Variants in TGFBR3 observed in about 807,000 individuals in gnomAD.
TGFBR3 encodes the protein transforming growth factor beta receptor 3.
TGFBR3 carries 46 observed loss-of-function variants against 87.9 expected under a neutral mutation model. The observed-to-expected ratio is 0.52, with a 90% CI of 0.41 to 0.67. The LOEUF is 0.67. Among genes scored for constraint, TGFBR3 ranks in the 30% least tolerant of loss-of-function variants. TGFBR3 has a pLI of 0.00. For missense variants in TGFBR3, 866 were observed against 1,041.9 expected (o/e 0.83, Z 2.32); for synonymous variants, 381 against 391.6 (o/e 0.97, Z 0.32).
chr1:91,738,989 G>A (rs902700272), intron 4 of TGFBR3, among the ~76,000 whole-genome samples: 2 of 152,174 alleles, frequency 1.3e-5, no homozygotes, highest in Non-Finnish European at 2.9e-5. Flanking sequence ...CAGTTGAGAC[G>A]CAGCAAGTGT....
upstream of TGFBR3, among the ~76,000 whole-genome samples, chr1:91,890,866 G>A (rs907969936): frequency 1.3e-4 from 20 of 151,888 alleles, no homozygotes; most frequent in African/African-American, 4.8e-4. Flanking sequence ...ACAGGTGAAA[G>A]ACACCTTCTA....
chr1:91,837,337 G>A (rs1269594446), intron 2 of TGFBR3, among the ~76,000 whole-genome samples: 10 of 151,956 alleles, frequency 6.6e-5, no homozygotes, highest in Non-Finnish European at 1.3e-4. Flanking sequence ...CCTCCACCTC[G>A]TGGGTTTAAG....
intron 7 of TGFBR3, among the ~76,000 whole-genome samples, chr1:91,724,437 T>C (rs1672480455): frequency 6.6e-6 from 1 of 152,218 alleles, no homozygotes; most frequent in African/African-American, 2.4e-5. Context: ...CCCTAGTCTC[T>C]TTCATGTTGT....
intron 1 of TGFBR3, among the ~76,000 whole-genome samples, chr1:91,905,224 G>A (rs1012546195): frequency 1.3e-5 from 2 of 152,128 alleles, no homozygotes; most frequent in Admixed American, 6.5e-5. Context: ...AATCCACACT[G>A]ACACTCTGAC....
chr1:91,786,250 A>G (rs1557709745), intron 3 of TGFBR3: 1 of 456,238 alleles, frequency 2.2e-6, no homozygotes. Context: ...AAACAAATTC[A>G]TTATGAGAGC....
At position 91,886,035 on chromosome 1, in the gene TGFBR3, G is replaced by T. The variant is rs559793963; in HGVS notation, c.-271C>A. The T allele has an allele frequency of 1.1e-3, 492 of 454,014 alleles. No homozygotes were observed. Among genetic ancestry groups the T allele is most frequent in the Non-Finnish European group, 1.7e-3 (392 of 226,754 alleles). The allele number at this position is 454,014 out of a possible 1,614,324, so 28.1% of individuals were successfully genotyped here. ...GACCCGCTGGGGACTCTCACCTCCT[G>T]CAGGGAGCTCCGGGAATCGCGCAGG... On this transcript the variant is annotated 5_prime_UTR_variant, in exon 1 of 17. Coordinates refer to ENST00000212355, the MANE Select transcript of TGFBR3 (RefSeq NM_003243.5).
intron 2 of TGFBR3, among the ~76,000 whole-genome samples, chr1:91,847,857 T>G (rs969389946): frequency 6.6e-6 from 1 of 151,972 alleles, no homozygotes; most frequent in Non-Finnish European, 1.5e-5. Context: ...AACACGAATC[T>G]CCTACCTTGG....
At chr1:91,902,832 T>C (rs1466363093) in intron 1 of TGFBR3, among the ~76,000 whole-genome samples, 2 of 151,840 alleles carry the variant, frequency 1.3e-5, no homozygotes, top group Non-Finnish European at 2.9e-5. Context: ...CATCAGAGAC[T>C]TAGTTTAGGA....
chr1:91,878,467 C>T (rs1678943522), intron 1 of TGFBR3, among the ~76,000 whole-genome samples: 1 of 152,152 alleles, frequency 6.6e-6, no homozygotes, highest in South Asian at 2.1e-4. Context: ...TTTCACTTGC[C>T]AGATGGAATT....
At chr1:91,882,603 G>A (rs549180515) in intron 1 of TGFBR3, among the ~76,000 whole-genome samples, 1 of 152,130 alleles carries the variant, frequency 6.6e-6, no homozygotes, top group African/African-American at 2.4e-5. Context: ...AAATTAGCCG[G>A]GCATGGTGGC....
At chr1:91,806,474 G>C (rs937510724) in intron 2 of TGFBR3, among the ~76,000 whole-genome samples, 13 of 148,380 alleles carry the variant, frequency 8.8e-5, no homozygotes, top group African/African-American at 3.2e-4. Context: ...AAAAATACTG[G>C]CGGGGGGGGT....
intron 16 of TGFBR3, among the ~76,000 whole-genome samples, chr1:91,688,224 G>T (rs1187163045): frequency 6.6e-6 from 1 of 152,196 alleles, no homozygotes; most frequent in African/African-American, 2.4e-5. Flanking sequence ...TATTCCTGCA[G>T]TGTGGCCAAC....
Position 91,758,682 on chromosome 1 carries a change from G to A in TGFBR3, c.315C>T (p.Asn105=). ...GATGCCACACCAGGGGGTGTGGGGA[G>A]TTGAGCAGGAACACAACAGACTTGT... ...IHHKSVVFLL[N]SPHPLVWHLK... The change falls in exon 4 of 17, where the codon AAC becomes AAT. Residue 105 remains asparagine, a synonymous_variant. Transcript: ENST00000212355. 1 of 1,614,050 alleles carries A rather than the reference G, an allele frequency of 6.2e-7. No individual in the cohort carries two copies. The highest frequency in any genetic ancestry group is 1.3e-5 in the African/African-American group (1 of 75,038).
rs1465781336 is a variant in TGFBR3, at chr1:91,708,700, C to T, written c.2250G>A (p.Lys750=). The change falls in exon 14 of 17, where the codon AAG becomes AAA. Residue 750 remains lysine (K), a synonymous_variant. Coordinates refer to ENST00000212355, the MANE Select transcript of TGFBR3 (RefSeq NM_003243.5). ...CTTCATGGTGGATCACAGCAAGGGG[C>T]TTAGTGAACGTCTTCTTATTCTGCA... ...AMMQNKKTFT[K]PLAVIHHEAE... The T allele has an allele frequency of 8.7e-6, 14 of 1,613,970 alleles. No homozygotes were observed. Among genetic ancestry groups the T allele is most frequent in the Non-Finnish European group, 1.2e-5 (14 of 1,179,960 alleles).
chr1:91,704,235 G>A (rs766617756), intron 14 of TGFBR3, among the ~76,000 whole-genome samples: 18 of 151,746 alleles, frequency 1.2e-4, no homozygotes, highest in Non-Finnish European at 2.2e-4. Context: ...GGCTGAGGCA[G>A]GAGAAGCGCT....
chr1:91,901,703 C>A (rs1679723444), intron 1 of TGFBR3, among the ~76,000 whole-genome samples: 2 of 151,424 alleles, frequency 1.3e-5, no homozygotes, highest in African/African-American at 4.9e-5. Context: ...TAGCTTGAGA[C>A]CTGGGTTAAA....
At chr1:91,828,513 T>G (rs576443428) in intron 2 of TGFBR3, among the ~76,000 whole-genome samples, 6 of 152,322 alleles carry the variant, frequency 3.9e-5, no homozygotes, top group African/African-American at 1.4e-4. Context: ...AAACTAAAGC[T>G]GATCCAGTTC....
At chr1:91,878,295 A>C (rs1425590586) in intron 1 of TGFBR3, among the ~76,000 whole-genome samples, 1 of 149,324 alleles carries the variant, frequency 6.7e-6, no homozygotes, top group Non-Finnish European at 1.5e-5. Flanking sequence ...AAAAAAAAAA[A>C]CACACATTCT....
intron 4 of TGFBR3, among the ~76,000 whole-genome samples, chr1:91,746,894 C>T (rs1055519003): frequency 1.3e-5 from 2 of 152,120 alleles, no homozygotes; most frequent in African/African-American, 2.4e-5. Context: ...TCTATTCCAT[C>T]GCTGTGGAAG....
Sources: gnomAD v4.1 joint callset for allele counts (sites outside exome capture counted in the v4.1 genomes callset) on GRCh38, gnomAD v4.1.1 for gene constraint, MANE v1.5 for transcripts, NCBI Gene and HGNC (gene_info 2026-07-23, HGNC 2026-07-21) for gene names.